TPST1: variants seen among roughly 807,000 people sequenced by gnomAD.
The protein encoded by TPST1 is tyrosylprotein sulfotransferase 1.
A neutral mutation model predicts 34.8 loss-of-function variants in TPST1; 20 were observed. The ratio of observed to expected loss-of-function variants is 0.57; its 90% CI spans 0.40 to 0.84. TPST1 has a LOEUF of 0.84. Among genes scored for constraint, TPST1 ranks in the 40% least tolerant of loss-of-function variants. TPST1 has a pLI of 0.00. For missense variants in TPST1, 353 were observed against 455.5 expected (o/e 0.78, Z 2.05); for synonymous variants, 152 against 159.4 (o/e 0.95, Z 0.35).
chr7:66,322,671 G>T (rs1479614583), intron 3 of TPST1, among the ~76,000 whole-genome samples: 1 of 152,208 alleles, frequency 6.6e-6, no homozygotes, highest in Non-Finnish European at 1.5e-5. Flanking sequence ...TGGCTATTGT[G>T]AATAGTGCTG....
chr7:66,304,055 T>G (rs1791372548), intron 3 of TPST1, among the ~76,000 whole-genome samples: 1 of 152,162 alleles, frequency 6.6e-6, no homozygotes, highest in African/African-American at 2.4e-5. Context: ...GAGCCACTGT[T>G]AAGTGTTATA....
intron 1 of TPST1, among the ~76,000 whole-genome samples, chr7:66,208,073 G>T (rs1789168914): frequency 6.6e-6 from 1 of 151,438 alleles, no homozygotes; most frequent in African/African-American, 2.4e-5. Flanking sequence ...CCTCCACGTT[G>T]CTGCTGGAAT....
chr7:66,355,474 CAA>C (rs200654978), intron 4 of TPST1, among the ~76,000 whole-genome samples: 1 of 129,460 alleles, frequency 7.7e-6, no homozygotes. Flanking sequence ...GACTCCCTCT[CAA>C]AAAAAAAAAC....
chr7:66,299,305 T>G (rs888158117), intron 3 of TPST1, among the ~76,000 whole-genome samples: 7 of 151,410 alleles, frequency 4.6e-5, no homozygotes, highest in Non-Finnish European at 1.0e-4. Flanking sequence ...TTAGGTTTTT[T>G]TTTTTTTTTT....
At chr7:66,223,598 A>C (rs1789590036) in intron 1 of TPST1, among the ~76,000 whole-genome samples, 1 of 152,186 alleles carries the variant, frequency 6.6e-6, no homozygotes, top group South Asian at 2.1e-4. Flanking sequence ...GATTATAAAC[A>C]TGAACTTGAT....
At chr7:66,285,072 G>C (rs1299563723) in intron 2 of TPST1, among the ~76,000 whole-genome samples, 2 of 152,032 alleles carry the variant, frequency 1.3e-5, no homozygotes, top group Non-Finnish European at 2.9e-5. Flanking sequence ...TTCAAGGTAA[G>C]CCCAGCTTCC....
chr7:66,209,344 A>C (rs910352352), intron 1 of TPST1, among the ~76,000 whole-genome samples: 2 of 152,204 alleles, frequency 1.3e-5, no homozygotes, highest in African/African-American at 4.8e-5. Flanking sequence ...AATGGGCATA[A>C]TGAGCAATGA....
chr7:66,240,320 A>G lies in TPST1; in HGVS notation c.-101-5A>G, dbSNP rs539151132. 186 of 1,347,110 alleles carry G rather than the reference A, an allele frequency of 1.4e-4. No homozygotes were observed. In the African/African-American group the frequency reaches 2.6e-3, roughly 19 times the overall value. The allele number at this position is 1,347,110 out of a possible 1,614,324, so 83.4% of individuals were successfully genotyped here. Reference sequence around the variant, plus strand: ...TGATAAATAACCTTTTCCTTTCTCTACTAGATGTTGGTTATCTTTCTGAAG... The same window carrying G: ...TGATAAATAACCTTTTCCTTTCTCTGCTAGATGTTGGTTATCTTTCTGAAG... On this transcript the variant is annotated splice_region_variant and splice_polypyrimidine_tract_variant and intron_variant, in intron 1 of 5. Coordinates refer to ENST00000304842, the MANE Select transcript of TPST1 (RefSeq NM_003596.4).
At chr7:66,251,220 G>A (rs1234023002) in intron 2 of TPST1, among the ~76,000 whole-genome samples, 1 of 152,070 alleles carries the variant, frequency 6.6e-6, no homozygotes, top group African/African-American at 2.4e-5. Flanking sequence ...ATGAGAGGTT[G>A]AAAATGTTAC....
chr7:66,278,981 A>G (rs1790878814), intron 2 of TPST1, among the ~76,000 whole-genome samples: 1 of 152,032 alleles, frequency 6.6e-6, no homozygotes, highest in Non-Finnish European at 1.5e-5. Flanking sequence ...CAGGTTTGCT[A>G]CCGGTAAATT....
chr7:66,218,523 CAATG>C (rs1789472421), intron 1 of TPST1, among the ~76,000 whole-genome samples: 1 of 152,104 alleles, frequency 6.6e-6, no homozygotes, highest in African/African-American at 2.4e-5. Flanking sequence ...TATAACAAGA[CAATG>C]AAAGTTCAGT....
chr7:66,337,270 A>G (rs1349953858), intron 3 of TPST1, among the ~76,000 whole-genome samples: 2 of 141,422 alleles, frequency 1.4e-5, no homozygotes, highest in Non-Finnish European at 3.1e-5. Context: ...TAAACCACTT[A>G]TATTTTAAGT....
intron 2 of TPST1, among the ~76,000 whole-genome samples, chr7:66,242,006 C>A (rs763931040): frequency 2.0e-5 from 3 of 152,134 alleles, no homozygotes; most frequent in Non-Finnish European, 4.4e-5. Context: ...GAAGCCTAAT[C>A]CATACAAGAA....
At chr7:66,217,071 A>G (rs926848291) in intron 1 of TPST1, among the ~76,000 whole-genome samples, 5 of 152,084 alleles carry the variant, frequency 3.3e-5, no homozygotes, top group Admixed American at 6.6e-5. Flanking sequence ...ATATGTTTTC[A>G]GTGGTTTAAA....
intron 3 of TPST1, among the ~76,000 whole-genome samples, chr7:66,323,725 C>A (rs1420517530): frequency 6.6e-6 from 1 of 152,108 alleles, no homozygotes; most frequent in Non-Finnish European, 1.5e-5. Context: ...TTTAAGTCAG[C>A]CAGAGTTGGT....
intron 2 of TPST1, among the ~76,000 whole-genome samples, chr7:66,277,161 T>G (rs982038085): frequency 1.3e-5 from 2 of 152,194 alleles, no homozygotes; most frequent in African/African-American, 4.8e-5. Context: ...AATTGCGATG[T>G]CCTGTCCTGG....
chr7:66,246,396 A>T (rs1790150953), intron 2 of TPST1, among the ~76,000 whole-genome samples: 3 of 152,084 alleles, frequency 2.0e-5, no homozygotes, highest in Non-Finnish European at 4.4e-5. Context: ...GAGGAATTGA[A>T]TAAACAAGGG....
intron 1 of TPST1, among the ~76,000 whole-genome samples, chr7:66,222,321 G>C (rs1789559429): frequency 6.6e-6 from 1 of 151,926 alleles, no homozygotes; most frequent in Admixed American, 6.6e-5. Flanking sequence ...GGGAGGTGGA[G>C]CTTGCAGTGA....
In TPST1 at chr7:66,338,489, A is replaced by G. The variant is rs1379731428; in HGVS notation, c.1045-14016A>G. ...TCTGGACCAAATGGACCTAACAGAT[A>G]TTTACAGAACATTCCATCCAACAGT... is the stretch of plus-strand genomic sequence containing the variant. On this transcript the variant is annotated intron_variant, in intron 3 of 5. Coordinates refer to ENST00000304842, the MANE Select transcript of TPST1 (RefSeq NM_003596.4). 5.9e-5 allele frequency among the ~76,000 whole-genome samples: 9 copies of G among 152,356 alleles called. No homozygotes were observed. The East Asian group carries it at 1.5e-3, about 26-fold the overall frequency.
Sources: gnomAD v4.1 joint callset for allele counts (sites outside exome capture counted in the v4.1 genomes callset) on GRCh38, gnomAD v4.1.1 for gene constraint, MANE v1.5 for transcripts, NCBI Gene and HGNC (gene_info 2026-07-23, HGNC 2026-07-21) for gene names.